RGS7BP: variants seen among roughly 807,000 people sequenced by gnomAD.
The protein encoded by RGS7BP is regulator of G protein signaling 7-binding protein.
Under a neutral mutation model 31.3 loss-of-function variants are expected in RGS7BP, and 9 were observed. The ratio of observed to expected loss-of-function variants is 0.29; its 90% CI spans 0.17 to 0.50. The LOEUF is 0.50. Among genes scored for constraint, RGS7BP ranks in the 20% least tolerant of loss-of-function variants. The probability of loss-of-function intolerance (pLI) is 0.98; values close to 1 mark genes in which losing one functional copy is unlikely to be tolerated. For synonymous variants in RGS7BP, 115 were observed against 120.1 expected (o/e 0.96, Z 0.28); for missense variants, 274 against 322.0 (o/e 0.85, Z 1.14).
rs1743472903 is a variant in RGS7BP at position 64,610,447 on chromosome 5, T to C, written c.*1195T>C. ...TTTGGCCCATTTCCCAGACAGAATT[T>C]CCCATGGGTTGAGAGATCAAGTCTT... On this transcript the variant is annotated 3_prime_UTR_variant, in exon 6 of 6. Coordinates refer to ENST00000334025, the MANE Select transcript of RGS7BP (RefSeq NM_001029875.3). The C allele has an allele frequency of 6.6e-6, 1 of 151,948 alleles. No individual in the cohort carries two copies. Among genetic ancestry groups the C allele is most frequent in the African/African-American group, 2.4e-5 (1 of 41,406 alleles). The allele number at this position is 151,948 out of a possible 1,614,324, so 9.4% of individuals were successfully genotyped here. A position where few individuals can be genotyped will look rare whatever the true frequency, so the allele number is the denominator to read the frequency against.
intron 3 of RGS7BP, among the ~76,000 whole-genome samples, chr5:64,583,311 C>T (rs1408508360): frequency 6.6e-6 from 1 of 152,118 alleles, no homozygotes; most frequent in Admixed American, 6.5e-5. Context: ...ATTGCTTGAG[C>T]CCAGGAGGCA....
At chr5:64,595,221 G>A (rs1043605873) in intron 4 of RGS7BP, among the ~76,000 whole-genome samples, 4 of 152,100 alleles carry the variant, frequency 2.6e-5, no homozygotes, top group African/African-American at 9.7e-5. Context: ...TACTGGGCTG[G>A]TACCCAAAAT....
intron 2 of RGS7BP, among the ~76,000 whole-genome samples, chr5:64,512,107 G>A (rs1748853083): frequency 6.6e-6 from 1 of 152,286 alleles, no homozygotes; most frequent in East Asian, 1.9e-4. Context: ...TGCTATGGCT[G>A]GGGGGCTGGT....
At chr5:64,579,666 C>CAA (rs1742537310) in intron 3 of RGS7BP, among the ~76,000 whole-genome samples, 1 of 150,602 alleles carries the variant, frequency 6.6e-6, no homozygotes, top group Non-Finnish European at 1.5e-5. Context: ...AAAGCACTAG[C>CAA]AAACATATGC....
At chr5:64,533,419 C>T (rs1207856614) in intron 2 of RGS7BP, among the ~76,000 whole-genome samples, 3 of 152,186 alleles carry the variant, frequency 2.0e-5, no homozygotes, top group African/African-American at 7.2e-5. Context: ...CCATAAATAT[C>T]TCCCAGAACA....
At chr5:64,527,288 G>GT (rs1298085549) in intron 2 of RGS7BP, among the ~76,000 whole-genome samples, 27 of 152,182 alleles carry the variant, frequency 1.8e-4, no homozygotes, top group Admixed American at 1.4e-3. Context: ...CCCCCAGGGA[G>GT]TTTTTTAACA....
At chr5:64,551,002 T>C (rs1741782012) in intron 2 of RGS7BP, among the ~76,000 whole-genome samples, 1 of 151,736 alleles carries the variant, frequency 6.6e-6, no homozygotes, top group South Asian at 2.1e-4. Context: ...ATTATATAAA[T>C]ATTATTTTCT....
intron 2 of RGS7BP, among the ~76,000 whole-genome samples, chr5:64,542,016 G>A (rs956354100): frequency 6.6e-6 from 1 of 151,906 alleles, no homozygotes; most frequent in Non-Finnish European, 1.5e-5. Context: ...ACGAATCCGT[G>A]TATTTCTAGA....
At chr5:64,541,622 T>C (rs1023806396) in intron 2 of RGS7BP, among the ~76,000 whole-genome samples, 1 of 152,222 alleles carries the variant, frequency 6.6e-6, no homozygotes, top group African/African-American at 2.4e-5. Context: ...CACAGAAAAT[T>C]GTATCTCATT....
intron 3 of RGS7BP, among the ~76,000 whole-genome samples, chr5:64,585,274 T>C (rs550171759): frequency 2.6e-5 from 4 of 152,218 alleles, no homozygotes; most frequent in South Asian, 4.1e-4. Flanking sequence ...CCAGAGAAGA[T>C]TGGTTTATTC....
At chr5:64,598,727 C>G (rs936855481) in intron 5 of RGS7BP, among the ~76,000 whole-genome samples, 1 of 152,156 alleles carries the variant, frequency 6.6e-6, no homozygotes, top group Non-Finnish European at 1.5e-5. Flanking sequence ...CTTAAGAACA[C>G]CTACAAAGGA....
intron 2 of RGS7BP, among the ~76,000 whole-genome samples, chr5:64,548,193 A>T (rs995644169): frequency 9.2e-5 from 14 of 152,156 alleles, no homozygotes; most frequent in South Asian, 2.1e-4. Flanking sequence ...CAAATAATTT[A>T]TTCAATTCTC....
At chr5:64,569,291 CA>C (rs200651739) in intron 2 of RGS7BP, among the ~76,000 whole-genome samples, 4 of 149,454 alleles carry the variant, frequency 2.7e-5, no homozygotes, top group South Asian at 2.2e-4. Flanking sequence ...TCTCTATGAA[CA>C]AAAAAAAACA....
At chr5:64,512,703 AT>A (rs1276238832) in intron 2 of RGS7BP, among the ~76,000 whole-genome samples, 2 of 152,328 alleles carry the variant, frequency 1.3e-5, no homozygotes, top group African/African-American at 4.8e-5. Context: ...TATTTTCCAA[AT>A]AAATACTTTG....
intron 3 of RGS7BP, among the ~76,000 whole-genome samples, chr5:64,587,221 A>G (rs1742782781): frequency 6.6e-6 from 1 of 152,220 alleles, no homozygotes; most frequent in Non-Finnish European, 1.5e-5. Context: ...AGTAAGAGGA[A>G]AAGAAAATAG....
chr5:64,575,949 A>G (rs1742417512), intron 3 of RGS7BP, 45 bp downstream of exon 3: 1 of 1,581,488 alleles, frequency 6.3e-7, no homozygotes, highest in Non-Finnish European at 8.6e-7. Context: ...AATGTTGAAC[A>G]AAAGCTAATC....
chr5:64,597,052 T>A (rs905838047), intron 4 of RGS7BP, among the ~76,000 whole-genome samples: 1 of 152,144 alleles, frequency 6.6e-6, no homozygotes, highest in East Asian at 1.9e-4. Flanking sequence ...TGCTTGCCTA[T>A]CCTCAGTTAA....
intron 2 of RGS7BP, among the ~76,000 whole-genome samples, chr5:64,541,302 T>A (rs1212335145): frequency 2.6e-5 from 4 of 152,110 alleles, no homozygotes; most frequent in Admixed American, 6.5e-5. Flanking sequence ...AAGGGGATGG[T>A]GCTAAACCAT....
At chr5:64,576,317 A>G (rs1179895827) in intron 3 of RGS7BP, among the ~76,000 whole-genome samples, 2 of 152,222 alleles carry the variant, frequency 1.3e-5, no homozygotes, top group East Asian at 3.9e-4. Context: ...GAACTCCATA[A>G]ATAACAGGGA....
Sources: allele counts gnomAD v4.1 joint callset (sites outside exome capture counted in the v4.1 genomes callset), GRCh38; gene constraint gnomAD v4.1.1; transcripts MANE v1.5; gene names NCBI Gene and HGNC (gene_info 2026-07-23, HGNC 2026-07-21).